The following ZNF292 variants were observed in gnomAD, a reference collection of about 807,000 sequenced individuals.
ZNF292 encodes zinc finger protein 292.
Under a neutral mutation model 217.9 loss-of-function variants are expected in ZNF292, and 26 were observed. The ratio of observed to expected loss-of-function variants is 0.12; its 90% CI spans 0.09 to 0.17. The LOEUF is 0.17. Among genes scored for constraint, ZNF292 ranks in the 10% least tolerant of loss-of-function variants. The pLI is 1.00. For missense variants in ZNF292, 2,904 were observed against 3,175.2 expected (o/e 0.91, Z 2.05); for synonymous variants, 1,257 against 1,124.1 (o/e 1.12, Z -2.37).
At chr6:87,218,567 T>A in intron 3 of ZNF292, 29 bp from the exon 4 acceptor site, 1 of 1,504,232 alleles carries the variant, frequency 6.6e-7, no homozygotes, top group Non-Finnish European at 8.9e-7. Context: ...TCTGTTGTAA[T>A]TCTTTGGATG....
intron 4 of ZNF292, among the ~76,000 whole-genome samples, chr6:87,229,864 C>T (rs1773557820): frequency 6.6e-6 from 1 of 152,092 alleles, no homozygotes; most frequent in Non-Finnish European, 1.5e-5. Context: ...TAAAGTAATA[C>T]CAGAAGCACC....
intron 5 of ZNF292, among the ~76,000 whole-genome samples, chr6:87,239,267 C>G (rs990866263): frequency 6.6e-6 from 1 of 152,020 alleles, no homozygotes; most frequent in African/African-American, 2.4e-5. Flanking sequence ...CGGGCAAAGG[C>G]ACCCCTCACC....
intron 5 of ZNF292, among the ~76,000 whole-genome samples, chr6:87,238,122 T>C (rs1468622402): frequency 6.6e-6 from 1 of 152,184 alleles, no homozygotes; most frequent in East Asian, 1.9e-4. Context: ...ATGTAGCAGA[T>C]GTTTCAGTTG....
At chr6:87,176,655 A>G (rs1481777665) in intron 1 of ZNF292, among the ~76,000 whole-genome samples, 1 of 152,126 alleles carries the variant, frequency 6.6e-6, no homozygotes, top group East Asian at 1.9e-4. Context: ...GCAACACTCA[A>G]GCATTTTTCC....
At chr6:87,168,629 C>G (rs939118284) in intron 1 of ZNF292, among the ~76,000 whole-genome samples, 9 of 152,180 alleles carry the variant, frequency 5.9e-5, no homozygotes, top group African/African-American at 2.2e-4. Context: ...ACCTCTGTGC[C>G]TGGCTAATTT....
At chr6:87,194,776 A>AATAT (rs1771908869) in intron 1 of ZNF292, among the ~76,000 whole-genome samples, 1 of 152,200 alleles carries the variant, frequency 6.6e-6, no homozygotes, top group South Asian at 2.1e-4. Context: ...CATGTGACAG[A>AATAT]ATATATATGC....
At chr6:87,184,562 C>T (rs1298914266) in intron 1 of ZNF292, among the ~76,000 whole-genome samples, 4 of 150,524 alleles carry the variant, frequency 2.7e-5, no homozygotes, top group Non-Finnish European at 1.5e-5. Context: ...TTGGCTTCTC[C>T]AATACTAGGT....
rs1398074471 is a variant in ZNF292 at position 87,261,223 on chromosome 6, A to C, written c.7594A>C (p.Arg2532=). ...SERQKASNLK[R]VNKEKNVSQN... is the part of the protein sequence containing the mutation. Reference sequence around the variant, plus strand: ...AAGACAAAAAGCAAGTAATTTGAAGAGAGTTAATAAGGAAAAAAATGTCTC... The same window carrying C: ...AAGACAAAAAGCAAGTAATTTGAAGCGAGTTAATAAGGAAAAAAATGTCTC... Residue 2532 remains arginine (R), a synonymous_variant, in exon 8 of 8, where the codon AGA becomes CGA. Transcript: ENST00000369577. 34 of 1,608,150 alleles carry C rather than the reference A, an allele frequency of 2.1e-5. No homozygotes were observed. The highest frequency in any genetic ancestry group is 2.9e-5 in the Non-Finnish European group (34 of 1,178,454).
At chr6:87,200,800 A>G (rs1463704913) in intron 1 of ZNF292, among the ~76,000 whole-genome samples, 5 of 152,220 alleles carry the variant, frequency 3.3e-5, no homozygotes, top group African/African-American at 4.8e-5. Flanking sequence ...TAGGGATTCA[A>G]AGCTATCAGA....
chr6:87,214,267 A>G (rs1392521089), intron 1 of ZNF292, among the ~76,000 whole-genome samples: 2 of 152,194 alleles, frequency 1.3e-5, no homozygotes, highest in Non-Finnish European at 2.9e-5. Flanking sequence ...CCAAGAGGGT[A>G]CAGAAACATG....
Position 87,216,108 on chromosome 6 carries a change from GACACACACACAC to G in ZNF292, c.323+89_323+100del, listed in dbSNP as rs57115253. ...CTAGATTTAGCTTTAAAAATACATA[GACACACACACAC>G]ACACACACACACACACACACACACA... On this transcript the variant is annotated intron_variant, in intron 2 of 7. Transcript: ENST00000369577. The G allele has an allele frequency of 2.3e-3, 1,167 of 515,800 alleles. 8 individuals are homozygous for G. The highest frequency in any genetic ancestry group is 6.4e-3 in the South Asian group (173 of 27,084). 32.0% of individuals were successfully genotyped at this position (515,800 alleles called of 1,614,324 possible).
chr6:87,196,784 G>C (rs1771963639), intron 1 of ZNF292, among the ~76,000 whole-genome samples: 1 of 152,192 alleles, frequency 6.6e-6, no homozygotes, highest in South Asian at 2.1e-4. Context: ...TAATCTGAGA[G>C]ACTGCGTATT....
At chr6:87,223,913 A>G (rs1478757781) in intron 4 of ZNF292, 4 of 152,226 alleles carry the variant, frequency 2.6e-5, no homozygotes, top group African/African-American at 7.2e-5. Context: ...ACCAAGATCT[A>G]TATTAAACTA....
Position 87,256,250 on chromosome 6 carries a change from C to T in ZNF292, c.2621C>T (p.Ser874Leu), listed in dbSNP as rs1775206061. Residue 874 changes from serine (S) to leucine (L), a missense_variant, in exon 8 of 8, where the codon TCA (serine) becomes TTA (leucine). Ser to Leu is a moderately radical substitution (Grantham distance 145). Transcript: ENST00000369577. Reference sequence around the variant, plus strand: ...GAGAAAGAAAGATCTATGCTTCCTTCAGAAAATAACATTGAAAACAGCTTA... The same window carrying T: ...GAGAAAGAAAGATCTATGCTTCCTTTAGAAAATAACATTGAAAACAGCTTA... ...NIEKERSMLP[S>L]ENNIENSLLA... is the part of the protein sequence containing the mutation. 1 of 1,613,816 alleles carries T rather than the reference C, an allele frequency of 6.2e-7. No homozygotes were observed.
rs41273273 is a variant in ZNF292 at position 87,257,055 on chromosome 6, T to A, written c.3426T>A (p.Ala1142=). ...GCAAAAGTAAAAAAGGTCAGAAAGC[T>A]AACAACTTAAATACACCAAATAATG... ...MQRKSKKGQK[A]NNLNTPNNGK... Residue 1142 remains alanine, a synonymous_variant, in exon 8 of 8, where the codon GCT becomes GCA. Coordinates refer to ENST00000369577, the MANE Select transcript of ZNF292 (RefSeq NM_015021.3). 3,753 of 1,613,862 alleles carry A rather than the reference T, an allele frequency of 2.3e-3. 8 individuals carry two copies. Among genetic ancestry groups the A allele is most frequent in the Non-Finnish European group, 2.8e-3 (3,354 of 1,179,844 alleles).
chr6:87,249,643 G>GT (rs1176662508), intron 7 of ZNF292, among the ~76,000 whole-genome samples: 2 of 152,106 alleles, frequency 1.3e-5, no homozygotes, highest in Non-Finnish European at 2.9e-5. Context: ...AGATTCTGGT[G>GT]TAATAACTCT....
chr6:87,224,104 A>G (rs1773223789), intron 4 of ZNF292, among the ~76,000 whole-genome samples: 1 of 152,172 alleles, frequency 6.6e-6, no homozygotes, highest in South Asian at 2.1e-4. Context: ...ACTTAATCCT[A>G]GTATACCCCT....
At chr6:87,175,007 G>A (rs1562123398) in intron 1 of ZNF292, among the ~76,000 whole-genome samples, 1 of 152,136 alleles carries the variant, frequency 6.6e-6, no homozygotes, top group East Asian at 1.9e-4. Flanking sequence ...TTTCCAAAGT[G>A]CATCTTCTCG....
intron 7 of ZNF292, among the ~76,000 whole-genome samples, chr6:87,249,910 A>G (rs565517362): frequency 4.0e-5 from 6 of 150,798 alleles, no homozygotes; most frequent in African/African-American, 7.3e-5. Context: ...GGGTTTTACT[A>G]TGTTTGCCAG....
Sources: allele counts gnomAD v4.1 joint callset (sites outside exome capture counted in the v4.1 genomes callset), GRCh38; gene constraint gnomAD v4.1.1; transcripts MANE v1.5; gene names NCBI Gene and HGNC (gene_info 2026-07-23, HGNC 2026-07-21).